The following PDZRN4 variants were observed in gnomAD, a reference collection of about 807,000 sequenced individuals.
PDZRN4 encodes PDZ domain containing ring finger 4.
In PDZRN4, 70 loss-of-function variants were observed where a neutral mutation model predicts 99.0. That is an observed-to-expected ratio of 0.71 (90% CI 0.58 to 0.86). PDZRN4 has a LOEUF of 0.86. Among genes scored for constraint, PDZRN4 ranks in the 40% least tolerant of loss-of-function variants. The pLI is 0.00. For missense variants in PDZRN4, 1,474 were observed against 1,331.2 expected (o/e 1.11, Z -1.67); for synonymous variants, 551 against 501.6 (o/e 1.10, Z -1.32).
intron 7 of PDZRN4, among the ~76,000 whole-genome samples, chr12:41,558,185 G>C (rs548914483): frequency 6.6e-6 from 1 of 152,252 alleles, no homozygotes; most frequent in African/African-American, 2.4e-5. Context: ...TGAAAATAAT[G>C]TAATCTTTTG....
chr12:41,338,208 T>A lies in PDZRN4; in HGVS notation c.843+144020T>A, dbSNP rs557268326. Among the ~76,000 whole-genome samples, 11 of 152,292 alleles carry A rather than the reference T, an allele frequency of 7.2e-5. No individual in the cohort carries two copies. The East Asian group carries it at 2.1e-3, about 29-fold the overall frequency. On this transcript the variant is annotated intron_variant, in intron 3 of 9. Coordinates refer to ENST00000402685, the MANE Select transcript of PDZRN4 (RefSeq NM_001164595.2). Reference sequence around the variant, plus strand: ...TTTTGTTATTTCAAAAGGATTAATATCTATTCTGATCTTTTAATGTTCTAT... The same window carrying A: ...TTTTGTTATTTCAAAAGGATTAATAACTATTCTGATCTTTTAATGTTCTAT...
chr12:41,467,567 T>G (rs984352893), intron 3 of PDZRN4, among the ~76,000 whole-genome samples: 5 of 152,174 alleles, frequency 3.3e-5, no homozygotes, highest in Non-Finnish European at 7.3e-5. Context: ...GAGGAAGCAA[T>G]TGGTTGTATC....
chr12:41,466,540 T>C (rs943531202), intron 3 of PDZRN4, among the ~76,000 whole-genome samples: 1 of 152,186 alleles, frequency 6.6e-6, no homozygotes, highest in Non-Finnish European at 1.5e-5. Flanking sequence ...CTTTCTCAAC[T>C]TGTCAATATC....
At chr12:41,196,971 C>T (rs923278596) in intron 3 of PDZRN4, among the ~76,000 whole-genome samples, 1 of 151,876 alleles carries the variant, frequency 6.6e-6, no homozygotes, top group African/African-American at 2.4e-5. Flanking sequence ...CAAACTAGTT[C>T]ATATATTATA....
At chr12:41,545,565 G>C (rs1938934879) in intron 5 of PDZRN4, among the ~76,000 whole-genome samples, 1 of 150,496 alleles carries the variant, frequency 6.6e-6, no homozygotes, top group African/African-American at 2.4e-5. Flanking sequence ...CAATGAGAGT[G>C]ATCTAATGAG....
intron 3 of PDZRN4, among the ~76,000 whole-genome samples, chr12:41,300,237 A>G (rs1951525552): frequency 6.6e-6 from 1 of 151,974 alleles, no homozygotes; most frequent in Admixed American, 6.6e-5. Flanking sequence ...TCTTCCAAAA[A>G]TCTTCTGAAA....
chr12:41,390,818 A>T (rs1952205533), intron 3 of PDZRN4, among the ~76,000 whole-genome samples: 3 of 152,176 alleles, frequency 2.0e-5, no homozygotes, highest in Non-Finnish European at 1.5e-5. Context: ...CAACTTGGTA[A>T]TAATATTTAT....
At chr12:41,380,693 T>C (rs1032602956) in intron 3 of PDZRN4, among the ~76,000 whole-genome samples, 1 of 152,114 alleles carries the variant, frequency 6.6e-6, no homozygotes, top group African/African-American at 2.4e-5. Flanking sequence ...CAATAACAAA[T>C]TATTATAATT....
chr12:41,477,351 G>A (rs1937612876), intron 3 of PDZRN4, among the ~76,000 whole-genome samples: 1 of 152,158 alleles, frequency 6.6e-6, no homozygotes, highest in Non-Finnish European at 1.5e-5. Flanking sequence ...GTCTCTGAAG[G>A]CACTCACGGG....
intron 3 of PDZRN4, among the ~76,000 whole-genome samples, chr12:41,246,763 GC>G (rs1951136244): frequency 6.6e-6 from 1 of 152,120 alleles, no homozygotes; most frequent in Admixed American, 6.5e-5. Context: ...TATTCTTAAT[GC>G]CTTTGGACCA....
intron 3 of PDZRN4, among the ~76,000 whole-genome samples, chr12:41,434,117 T>C (rs916559876): frequency 1.3e-5 from 2 of 152,192 alleles, no homozygotes; most frequent in African/African-American, 4.8e-5. Flanking sequence ...GTAATGACCT[T>C]TTATTGTTAT....
chr12:41,188,856 G>T lies in PDZRN4; in HGVS notation c.401G>T (p.Gly134Val). 1 of 1,248,462 alleles carries T rather than the reference G, an allele frequency of 8.0e-7. No individual in the cohort carries two copies. The highest frequency in any genetic ancestry group is 1.0e-6 in the Non-Finnish European group (1 of 996,760). The allele number at this position is 1,248,462 out of a possible 1,614,324, so 77.3% of individuals were successfully genotyped here. A position where few individuals can be genotyped will look rare whatever the true frequency, so the allele number is the denominator to read the frequency against. The change falls in exon 1 of 10, where the codon GGT (glycine) becomes GTT (valine). Residue 134 changes from glycine (G) to valine (V), a missense_variant. By Grantham distance (109) the Gly-to-Val change is moderately radical. Coordinates refer to ENST00000402685, the MANE Select transcript of PDZRN4 (RefSeq NM_001164595.2). ...GGEVPARGGC[G>V]PTPRAGRGGG... ...GAGGTGCCCGCGCGGGGGGGCTGCG[G>T]TCCGACACCCAGGGCTGGCCGGGGC...
intron 3 of PDZRN4, among the ~76,000 whole-genome samples, chr12:41,334,863 AT>A (rs1413705962): frequency 1.3e-5 from 2 of 151,484 alleles, no homozygotes; most frequent in South Asian, 2.1e-4. Context: ...TTGTAATAAG[AT>A]TTTTTTTTCA....
chr12:41,190,882 A>C (rs1049624973), intron 1 of PDZRN4, among the ~76,000 whole-genome samples: 1 of 152,138 alleles, frequency 6.6e-6, no homozygotes, highest in Non-Finnish European at 1.5e-5. Context: ...CCTAGCACAA[A>C]CCCTTATTTT....
intron 3 of PDZRN4, among the ~76,000 whole-genome samples, chr12:41,239,968 A>G (rs1054212596): frequency 6.6e-5 from 10 of 152,222 alleles, no homozygotes; most frequent in Non-Finnish European, 1.2e-4. Context: ...TTCCCTTTTT[A>G]GAGAGTTCTA....
intron 3 of PDZRN4, among the ~76,000 whole-genome samples, chr12:41,292,548 G>T (rs1047950001): frequency 2.3e-4 from 35 of 152,276 alleles, no homozygotes; most frequent in African/African-American, 8.4e-4. Flanking sequence ...CTGGGTTTGT[G>T]CTTCCTTTTG....
chr12:41,413,883 C>A (rs1261294279), intron 3 of PDZRN4, among the ~76,000 whole-genome samples: 1 of 151,930 alleles, frequency 6.6e-6, no homozygotes, highest in Admixed American at 6.6e-5. Flanking sequence ...TTCATAGTTT[C>A]TATTGTGTGG....
chr12:41,391,634 A>G (rs1952211967), intron 3 of PDZRN4, among the ~76,000 whole-genome samples: 1 of 152,126 alleles, frequency 6.6e-6, no homozygotes, highest in Non-Finnish European at 1.5e-5. Context: ...TAACCGACCA[A>G]TTTCTTGGAT....
At chr12:41,471,870 A>C (rs1228994535) in intron 3 of PDZRN4, among the ~76,000 whole-genome samples, 1 of 151,608 alleles carries the variant, frequency 6.6e-6, no homozygotes, top group East Asian at 1.9e-4. Flanking sequence ...ATTTTCATAC[A>C]CTAAGTTTTC....
Sources: allele counts gnomAD v4.1 joint callset (sites outside exome capture counted in the v4.1 genomes callset), GRCh38; gene constraint gnomAD v4.1.1; transcripts MANE v1.5; gene names NCBI Gene and HGNC (gene_info 2026-07-23, HGNC 2026-07-21).